The following DGKB variants were observed in gnomAD, a reference collection of about 807,000 sequenced individuals.
DGKB encodes the protein diacylglycerol kinase beta, also known as 90 kDa diacylglycerol kinase.
DGKB carries 67 observed loss-of-function variants against 114.3 expected under a neutral mutation model. The ratio of observed to expected loss-of-function variants is 0.59; its 90% CI spans 0.48 to 0.72. DGKB has a LOEUF of 0.72. Among genes scored for constraint, DGKB ranks in the 30% least tolerant of loss-of-function variants. DGKB has a pLI of 0.00. For missense variants in DGKB, 907 were observed against 975.2 expected, an observed-to-expected ratio of 0.93 and a Z score of 0.93; for synonymous variants, 398 against 323.1, an observed-to-expected ratio of 1.23 and a Z score of -2.49.
intron 21 of DGKB, among the ~76,000 whole-genome samples, chr7:14,452,163 C>T (rs953575869): frequency 1.3e-5 from 2 of 152,018 alleles, no homozygotes; most frequent in African/African-American, 2.4e-5. Context: ...GCATGACATA[C>T]ATATGTGGGC....
chr7:14,968,743 A>T (rs896393876), intron 1 of DGKB, among the ~76,000 whole-genome samples: 6 of 152,170 alleles, frequency 3.9e-5, no homozygotes, highest in African/African-American at 1.4e-4. Flanking sequence ...TCAAAATGGA[A>T]GCAAAATGTG....
intron 8 of DGKB, among the ~76,000 whole-genome samples, chr7:14,695,111 G>C (rs1410695531): frequency 2.6e-5 from 4 of 152,170 alleles, no homozygotes; most frequent in Admixed American, 2.6e-4. Flanking sequence ...TGAAATATTT[G>C]ATTTGTTGGT....
chr7:14,904,838 T>C (rs888664894), upstream of DGKB, among the ~76,000 whole-genome samples: 1 of 152,160 alleles, frequency 6.6e-6, no homozygotes, highest in Non-Finnish European at 1.5e-5. Context: ...TTTTTTATAC[T>C]TGTGTACACT....
At chr7:14,770,873 T>C (rs1837307025) in intron 2 of DGKB, among the ~76,000 whole-genome samples, 1 of 152,132 alleles carries the variant, frequency 6.6e-6, no homozygotes, top group Admixed American at 6.6e-5. Context: ...CCAGTGCTCT[T>C]ATACAAAGGG....
intron 5 of DGKB, among the ~76,000 whole-genome samples, chr7:14,733,742 GAAAT>G (rs1228870024): frequency 4.1e-4 from 4 of 9,672 alleles, no homozygotes; most frequent in Admixed American, 2.2e-3. Context: ...AAAGAAGAAA[GAAAT>G]AAAGAAGAAA....
rs1562972956 is a variant in DGKB, at chr7:14,343,200, A to AC, written c.1926+2100dup. On this transcript the variant is annotated intron_variant, in intron 22 of 25. Coordinates refer to ENST00000402815, the MANE Select transcript of DGKB (RefSeq NM_001350709.2). Reference sequence around the variant, plus strand: ...ACACACACACACACACACACACACAACAAGATATGCAAAAATACAAGGGGG... The same window carrying AC: ...ACACACACACACACACACACACACAACCAAGATATGCAAAAATACAAGGGGG... Among the ~76,000 whole-genome samples the AC allele has an allele frequency of 3.9e-3, 211 of 54,646 alleles. 1 individual carries two copies. The highest frequency in any genetic ancestry group is 9.0e-3 in the African/African-American group (188 of 20,888). 35.8% of individuals were successfully genotyped at this position (54,646 alleles called of 152,430 possible). A position where few individuals can be genotyped will look rare whatever the true frequency, so the allele number is the denominator to read the frequency against.
At chr7:14,830,957 G>A (rs568101890) in intron 2 of DGKB, among the ~76,000 whole-genome samples, 1 of 152,130 alleles carries the variant, frequency 6.6e-6, no homozygotes, top group South Asian at 2.1e-4. Context: ...GTGAATATCT[G>A]TGTGTTAAGA....
intron 1 of DGKB, among the ~76,000 whole-genome samples, chr7:14,919,103 C>CACACACAT (rs1784396768): frequency 7.6e-6 from 1 of 132,268 alleles, no homozygotes; most frequent in African/African-American, 2.7e-5. Flanking sequence ...CAAACACACA[C>CACACACAT]ACACACACAC....
At chr7:14,845,106 C>CAAAAAAAAAAAAAAAAAAAAAAA (rs59367496) in intron 1 of DGKB, among the ~76,000 whole-genome samples, 2 of 89,266 alleles carry the variant, frequency 2.2e-5, no homozygotes, top group Non-Finnish European at 4.4e-5. Context: ...GGCCCTGTGT[C>CAAAAAAAAAAAAAAAAAAAAAAA]AAAAAAAAAA....
At chr7:14,430,332 G>T (rs1320971919) in intron 21 of DGKB, among the ~76,000 whole-genome samples, 1 of 152,072 alleles carries the variant, frequency 6.6e-6, no homozygotes, top group Non-Finnish European at 1.5e-5. Context: ...TGAGATCCAT[G>T]TGACTTATAT....
At chr7:14,618,153 C>T (rs1172855164) in intron 15 of DGKB, among the ~76,000 whole-genome samples, 1 of 151,138 alleles carries the variant, frequency 6.6e-6, no homozygotes, top group Non-Finnish European at 1.5e-5. Flanking sequence ...CACACACATA[C>T]ATCAAAGAAA....
At chr7:14,255,816 C>T (rs1419107123) in intron 23 of DGKB, among the ~76,000 whole-genome samples, 2 of 152,070 alleles carry the variant, frequency 1.3e-5, no homozygotes, top group East Asian at 3.9e-4. Flanking sequence ...CACTTTCTCA[C>T]CTTCCATTTC....
chr7:14,852,088 T>C (rs992073882), intron 1 of DGKB, among the ~76,000 whole-genome samples: 1 of 152,186 alleles, frequency 6.6e-6, no homozygotes, highest in East Asian at 1.9e-4. Context: ...GGTTATGCAA[T>C]AGTAACTACA....
chr7:14,182,194 C>G (rs944394991), intron 23 of DGKB, among the ~76,000 whole-genome samples: 2 of 151,808 alleles, frequency 1.3e-5, no homozygotes, highest in African/African-American at 4.8e-5. Flanking sequence ...CTACAAGTCT[C>G]TATAAAATAA....
intron 1 of DGKB, among the ~76,000 whole-genome samples, chr7:14,842,396 G>A (rs1240342903): frequency 1.3e-5 from 2 of 152,018 alleles, no homozygotes; most frequent in East Asian, 3.9e-4. Context: ...TTTTGGTCTC[G>A]TGGGGTCACG....
chr7:14,923,983 C>CAAAAAAACAAAA (rs1784630094), intron 1 of DGKB, among the ~76,000 whole-genome samples: 1 of 76,188 alleles, frequency 1.3e-5, no homozygotes, highest in African/African-American at 7.3e-5. Flanking sequence ...AGCTCCATCT[C>CAAAAAAACAAAA]AAAAAAAAAA....
chr7:14,612,263 G>A (rs1805693971), intron 16 of DGKB, among the ~76,000 whole-genome samples: 1 of 151,806 alleles, frequency 6.6e-6, no homozygotes, highest in Non-Finnish European at 1.5e-5. Context: ...CAACCTCCCA[G>A]GTTCAAGTGA....
At chr7:14,593,929 A>C (rs1383286143) in intron 17 of DGKB, among the ~76,000 whole-genome samples, 1 of 151,966 alleles carries the variant, frequency 6.6e-6, no homozygotes, top group African/African-American at 2.4e-5. Context: ...CCCTGTAAGA[A>C]AAGTAACTTT....
chr7:14,837,031 G>A (rs1223514936), intron 2 of DGKB, among the ~76,000 whole-genome samples: 1 of 152,064 alleles, frequency 6.6e-6, no homozygotes. Flanking sequence ...TGCCAGGCAC[G>A]GCTCTCATTA....
Sources: gnomAD v4.1 joint callset for allele counts (sites outside exome capture counted in the v4.1 genomes callset) on GRCh38, gnomAD v4.1.1 for gene constraint, MANE v1.5 for transcripts, NCBI Gene and HGNC (gene_info 2026-07-23, HGNC 2026-07-21) for gene names.